The following EMB variants were observed in gnomAD, a reference collection of about 807,000 sequenced individuals.
EMB encodes embigin homolog.
Under a neutral mutation model 41.4 loss-of-function variants are expected in EMB, and 31 were observed. That is an observed-to-expected ratio of 0.75 (90% CI 0.56 to 1.01). The LOEUF (loss-of-function observed/expected upper bound fraction) is 1.01, where lower values mean the gene tolerates loss of function less well. Ranked by LOEUF, EMB falls within the 50% of genes least tolerant of loss-of-function variation. The pLI is 0.00. For synonymous variants in EMB, 137 were observed against 140.4 expected (o/e 0.98, Z 0.17); for missense variants, 379 against 388.3 (o/e 0.98, Z 0.20).
At chr5:50,428,711 G>A (rs1378925436) in intron 1 of EMB, 4 of 985,168 alleles carry the variant, frequency 4.1e-6, no homozygotes, top group Non-Finnish European at 4.8e-6. Flanking sequence ...GCCAGTTTGG[G>A]TTGCTATTTG....
At chr5:50,430,043 TG>T (rs1211603939) in intron 1 of EMB, among the ~76,000 whole-genome samples, 1 of 147,064 alleles carries the variant, frequency 6.8e-6, no homozygotes, top group African/African-American at 2.5e-5. Context: ...ATATACACAC[TG>T]CTTAAAAGAA....
rs965169083 is a variant in EMB at position 50,398,502 on chromosome 5, G to A, written c.*771C>T. 1.3e-5 allele frequency: 2 copies of A among 151,824 alleles called. No individual in the cohort carries two copies. The highest frequency in any genetic ancestry group is 6.6e-5 in the Admixed American group (1 of 15,204). The allele number at this position is 151,824 out of a possible 1,614,324, so 9.4% of individuals were successfully genotyped here. A position where few individuals can be genotyped will look rare whatever the true frequency, so the allele number is the denominator to read the frequency against. ...AGTGTAGCAGTGTTTTAAGTATTAC[G>A]ACTATATGGACCTGCACCCTAAAAC... On this transcript the variant is annotated 3_prime_UTR_variant, in exon 9 of 9. Coordinates refer to ENST00000303221, the MANE Select transcript of EMB (RefSeq NM_198449.3).
intron 4 of EMB, among the ~76,000 whole-genome samples, chr5:50,410,660 A>C (rs1175958077): frequency 6.6e-6 from 1 of 152,136 alleles, no homozygotes. Context: ...GAACTAAAAC[A>C]TGTGCTTTAA....
At position 50,414,387 on chromosome 5, in the gene EMB, C is replaced by T. The variant is rs143576624; in HGVS notation, c.197-3004G>A. On this transcript the variant is annotated intron_variant, in intron 2 of 8. Coordinates refer to ENST00000303221, the MANE Select transcript of EMB (RefSeq NM_198449.3). ...AAAAAAAAAGAAAAAATTAGCCAGG[C>T]TTGGTAGTGCATGCCTGTGGTCCCA... Among the ~76,000 whole-genome samples the T allele has an allele frequency of 8.6e-5, 13 of 151,632 alleles. No individual in the cohort carries two copies. The East Asian group carries it at 2.5e-3, about 29-fold the overall frequency.
At position 50,397,254 on chromosome 5, in the gene EMB, C is replaced by T. The variant is rs548641667; in HGVS notation, c.*2019G>A. The T allele has an allele frequency of 6.6e-6, 1 of 152,190 alleles. No individual in the cohort carries two copies. Among genetic ancestry groups the T allele is most frequent in the African/African-American group, 2.4e-5 (1 of 41,540 alleles). The allele number at this position is 152,190 out of a possible 1,614,324, so 9.4% of individuals were successfully genotyped here. A position where few individuals can be genotyped will look rare whatever the true frequency, so the allele number is the denominator to read the frequency against. The stretch of plus-strand genomic sequence containing the variant: ...TTAATGGAAGCAGATTAAAATCCAA[C>T]AGTGGTAATTTTCTGGAAGTCCTCC... On this transcript the variant is annotated 3_prime_UTR_variant, in exon 9 of 9. Transcript: ENST00000303221.
chr5:50,423,298 G>A (rs1258012144), intron 2 of EMB, among the ~76,000 whole-genome samples: 2 of 151,992 alleles, frequency 1.3e-5, no homozygotes, highest in Non-Finnish European at 1.5e-5. Context: ...ATTGAACAGC[G>A]TATACCATTG....
intron 1 of EMB, 193 bp from the exon 2 acceptor site, chr5:50,428,420 T>G (rs906809703): frequency 3.2e-5 from 39 of 1,208,752 alleles, no homozygotes; most frequent in Non-Finnish European, 3.9e-5. Context: ...AAATTCTGAT[T>G]TTTTTTCTTT....
chr5:50,420,104 T>C (rs962006548), intron 2 of EMB, among the ~76,000 whole-genome samples: 1 of 152,076 alleles, frequency 6.6e-6, no homozygotes, highest in Admixed American at 6.6e-5. Context: ...GATGGATTGA[T>C]AGGTGCAGCA....
chr5:50,440,156 G>T (rs1273465036), intron 1 of EMB, among the ~76,000 whole-genome samples: 1 of 152,086 alleles, frequency 6.6e-6, no homozygotes, highest in Admixed American at 6.5e-5. Flanking sequence ...GGTGTAAAAT[G>T]AAGATACACA....
intron 7 of EMB, among the ~76,000 whole-genome samples, chr5:50,401,306 C>T (rs2036901): frequency 0.51 from 76,738 of 151,796 alleles, 20,309 homozygotes; most frequent in African/African-American, 0.66. Context: ...ACATGATTAT[C>T]TGAATAATGT....
chr5:50,434,453 G>A (rs1164216324), intron 1 of EMB, among the ~76,000 whole-genome samples: 1 of 152,120 alleles, frequency 6.6e-6, no homozygotes, highest in East Asian at 1.9e-4. Context: ...TCCTGCCAGG[G>A]GCCTATTTTG....
intron 1 of EMB, among the ~76,000 whole-genome samples, chr5:50,430,045 C>T (rs1242071440): frequency 6.7e-6 from 1 of 149,920 alleles, no homozygotes; most frequent in Non-Finnish European, 1.5e-5. Context: ...ATACACACTG[C>T]TTAAAAGAAA....
chr5:50,414,971 T>A (rs1745405148), intron 2 of EMB, among the ~76,000 whole-genome samples: 2 of 152,182 alleles, frequency 1.3e-5, no homozygotes, highest in Non-Finnish European at 2.9e-5. Flanking sequence ...CTAATGCTCT[T>A]TACTTGCAAA....
chr5:50,403,148 A>C (rs1561130541), intron 6 of EMB, 30 bp downstream of exon 6: 2 of 1,550,096 alleles, frequency 1.3e-6, no homozygotes, highest in Non-Finnish European at 1.7e-6. Context: ...CTTTCTAAAA[A>C]AAACAAAAAA....
intron 2 of EMB, among the ~76,000 whole-genome samples, chr5:50,416,108 C>A (rs1745427393): frequency 6.6e-6 from 1 of 152,134 alleles, no homozygotes; most frequent in Admixed American, 6.5e-5. Context: ...GAAATCACAG[C>A]ATCAAAAACA....
intron 6 of EMB, among the ~76,000 whole-genome samples, 156 bp from the exon 7 acceptor site, chr5:50,402,475 C>G (rs1745180161): frequency 6.6e-6 from 1 of 151,974 alleles, no homozygotes; most frequent in Non-Finnish European, 1.5e-5. Flanking sequence ...ACCTACACCT[C>G]CTTTATCTGC....
chr5:50,420,787 C>T (rs1007600051), intron 2 of EMB, among the ~76,000 whole-genome samples: 1 of 152,146 alleles, frequency 6.6e-6, no homozygotes, highest in Non-Finnish European at 1.5e-5. Flanking sequence ...TGAATCACTT[C>T]TTTAGACAGA....
At chr5:50,438,777 C>T (rs1745847247) in intron 1 of EMB, among the ~76,000 whole-genome samples, 1 of 152,120 alleles carries the variant, frequency 6.6e-6, no homozygotes, top group Non-Finnish European at 1.5e-5. Context: ...GTACATTATT[C>T]CACAATTTTA....
chr5:50,410,912 T>C lies in EMB; in HGVS notation c.437A>G (p.Glu146Gly), dbSNP rs765417110. The change falls in exon 4 of 9, where the codon GAG becomes GGG. Residue 146 changes from glutamate (E) to glycine (G), a missense_variant. Transcript: ENST00000303221. ...AAATGTTCCCCTTTGTTCCTTTTCCTCTCGAAAGAAACAAGAATAACTTCC... is the reference window on the plus strand; with the variant it reads ...AAATGTTCCCCTTTGTTCCTTTTCCCCTCGAAAGAAACAAGAATAACTTCC... ...QMGSYSCFFR[E>G]EKEQRGTFNF... 6.2e-7 allele frequency: 1 copy of C among 1,606,006 alleles called. No homozygotes were observed. Among genetic ancestry groups the C allele is most frequent in the Non-Finnish European group, 8.5e-7 (1 of 1,176,988 alleles).
Sources: allele counts gnomAD v4.1 joint callset (sites outside exome capture counted in the v4.1 genomes callset), GRCh38; gene constraint gnomAD v4.1.1; transcripts MANE v1.5; gene names NCBI Gene and HGNC (gene_info 2026-07-23, HGNC 2026-07-21).